PTPRC: variants seen among roughly 807,000 people sequenced by gnomAD.
The protein encoded by PTPRC is protein tyrosine phosphatase receptor type C.
Under a neutral mutation model 155.9 loss-of-function variants are expected in PTPRC, and 44 were observed. That is an observed-to-expected ratio of 0.28 (90% confidence interval 0.22 to 0.36). The LOEUF (loss-of-function observed/expected upper bound fraction) is 0.36, where lower values mean the gene tolerates loss of function less well. Among genes scored for constraint, PTPRC ranks in the 10% least tolerant of loss-of-function variants. The probability of loss-of-function intolerance (pLI) is 1.00; values close to 1 mark genes in which losing one functional copy is unlikely to be tolerated. For missense variants in PTPRC, 1,401 were observed against 1,564.6 expected (o/e 0.90, Z 1.76); for synonymous variants, 525 against 533.1 (o/e 0.98, Z 0.21).
intron 2 of PTPRC, among the ~76,000 whole-genome samples, chr1:198,668,519 T>A (rs1025282895): frequency 6.6e-6 from 1 of 152,184 alleles, no homozygotes; most frequent in Non-Finnish European, 1.5e-5. Context: ...AGTGCTTTAA[T>A]TTTGCCAAGC....
intron 22 of PTPRC, 82 bp downstream of exon 22, chr1:198,734,507 A>G: frequency 8.8e-7 from 1 of 1,138,004 alleles, no homozygotes. Context: ...AGCCACATGT[A>G]TCTGCCTGAT....
Position 198,699,602 on chromosome 1 carries a change from G to C in PTPRC, c.337G>C (p.Ala113Pro). The C allele has an allele frequency of 1.9e-6, 3 of 1,614,166 alleles. No homozygotes were observed. The highest frequency in any genetic ancestry group is 1.7e-6 in the Non-Finnish European group (2 of 1,180,034). The change falls in exon 5 of 33, where the codon GCA (alanine) becomes CCA (proline). Residue 113 changes from alanine (A) to proline (P), a missense_variant. Physicochemically the swap from Ala to Pro is conservative, Grantham distance 27. This residue lies in a region of PTPRC where 867 missense variants were observed against 970.4 expected (regional missense o/e 0.89). Transcript: ENST00000442510. ...ACAGACGCCTCACCTTCCCACGCACGCAGACTCGCAGACGCCCTCTGCTGG... is the reference window on the plus strand; with the variant it reads ...ACAGACGCCTCACCTTCCCACGCACCCAGACTCGCAGACGCCCTCTGCTGG... ...SVQTPHLPTH[A>P]DSQTPSAGTD...
intron 23 of PTPRC, among the ~76,000 whole-genome samples, chr1:198,738,980 T>C (rs565181617): frequency 1.3e-5 from 2 of 151,944 alleles, no homozygotes; most frequent in Admixed American, 6.6e-5. Flanking sequence ...TATTACACTT[T>C]GCTTGTTAGT....
rs886442175 is a variant in PTPRC, at chr1:198,747,434, T to C, written c.2848-675T>C. 5.9e-5 allele frequency among the ~76,000 whole-genome samples: 9 copies of C among 151,756 alleles called. No homozygotes were observed. The East Asian group carries it at 1.8e-3, about 30-fold the overall frequency. On this transcript the variant is annotated intron_variant, in intron 26 of 32. Coordinates refer to ENST00000442510, the MANE Select transcript of PTPRC (RefSeq NM_002838.5). Reference sequence around the variant, plus strand: ...TATTTTGAGGAGGTTTGTTGTCCTCTTATAGTGATGGAAAGCTGTTCATCT... The same window carrying C: ...TATTTTGAGGAGGTTTGTTGTCCTCCTATAGTGATGGAAAGCTGTTCATCT...
chr1:198,661,850 T>A (rs1470476981), intron 2 of PTPRC, among the ~76,000 whole-genome samples: 1 of 152,220 alleles, frequency 6.6e-6, no homozygotes, highest in Non-Finnish European at 1.5e-5. Context: ...AAAATAGACT[T>A]CTTTAAGTTT....
intron 2 of PTPRC, among the ~76,000 whole-genome samples, chr1:198,650,883 A>C (rs1355975493): frequency 6.6e-6 from 1 of 151,824 alleles, no homozygotes; most frequent in Non-Finnish European, 1.5e-5. Context: ...TTTGCTTTGA[A>C]TGTTGAAAAG....
Position 198,677,922 on chromosome 1 carries a change from C to CT in PTPRC, c.74-14415dup, listed in dbSNP as rs570134789. Among the ~76,000 whole-genome samples, 64 of 149,286 alleles carry CT rather than the reference C, an allele frequency of 4.3e-4. 1 individual carries two copies. In the East Asian group the frequency reaches 4.7e-3, roughly 11 times the overall value. Reference sequence around the variant, plus strand: ...ATTCCGAGGAGAATATAAAGTCCAGCTTTTTTTTTTCCACACAGGGATGTA... The same window carrying CT: ...ATTCCGAGGAGAATATAAAGTCCAGCTTTTTTTTTTTCCACACAGGGATGTA... On this transcript the variant is annotated intron_variant, in intron 2 of 32. Transcript: ENST00000442510.
intron 2 of PTPRC, among the ~76,000 whole-genome samples, chr1:198,685,374 G>T (rs1404775661): frequency 6.6e-6 from 1 of 151,134 alleles, no homozygotes; most frequent in East Asian, 1.9e-4. Context: ...ATGCTTAAAA[G>T]AAAAAAAATA....
intron 2 of PTPRC, among the ~76,000 whole-genome samples, chr1:198,678,632 GC>G (rs1359971067): frequency 6.6e-6 from 1 of 152,172 alleles, no homozygotes; most frequent in Non-Finnish European, 1.5e-5. Context: ...TTGGGGTTTA[GC>G]CTCCATGCCA....
intron 2 of PTPRC, among the ~76,000 whole-genome samples, chr1:198,655,455 C>T (rs187718883): frequency 2.0e-5 from 3 of 152,110 alleles, no homozygotes; most frequent in Non-Finnish European, 4.4e-5. Context: ...GTCTAGAATT[C>T]CTCCAGCATA....
intron 9 of PTPRC, 88 bp from the exon 10 acceptor site, chr1:198,708,045 G>A: frequency 7.9e-7 from 1 of 1,266,648 alleles, no homozygotes. Context: ...AATTTCAGTG[G>A]CTTTAACTGA....
At chr1:198,679,908 C>G in intron 2 of PTPRC, 1 of 608,002 alleles carries the variant, frequency 1.6e-6, no homozygotes, top group South Asian at 1.9e-5. Flanking sequence ...GTCTGTTAAC[C>G]TAGGTGGGCG....
Position 198,754,271 on chromosome 1 carries a change from A to C in PTPRC, c.3512A>C (p.Asp1171Ala), listed in dbSNP as rs199826421. 15 of 1,608,670 alleles carry C rather than the reference A, an allele frequency of 9.3e-6. No homozygotes were observed. The highest frequency in any genetic ancestry group is 5.0e-5 in the Admixed American group (3 of 59,850). Residue 1171 changes from aspartate to alanine, a missense_variant and splice_region_variant, in exon 32 of 33, where the codon GAT (aspartate) becomes GCT (alanine). Around this residue, in one of 3 missense-constraint regions of PTPRC, gnomAD observed 400 missense variants for 389.5 expected, o/e 1.03. Transcript: ENST00000442510. ...KSTPLLIHCR[D>A]GSQQTGIFCA... ...TCTATCTTTTCTTTCTTTTATAGGGATGGATCTCAGCAAACGGGAATATTT... is the reference window on the plus strand; with the variant it reads ...TCTATCTTTTCTTTCTTTTATAGGGCTGGATCTCAGCAAACGGGAATATTT...
At chr1:198,731,174 T>C (rs1443514267) in intron 17 of PTPRC, among the ~76,000 whole-genome samples, 1 of 152,102 alleles carries the variant, frequency 6.6e-6, no homozygotes, top group Non-Finnish European at 1.5e-5. Context: ...AGCTGAGTCA[T>C]GGGTATAAGG....
chr1:198,687,034 C>A (rs2102350568), intron 2 of PTPRC, among the ~76,000 whole-genome samples: 1 of 152,204 alleles, frequency 6.6e-6, no homozygotes, highest in East Asian at 1.9e-4. Flanking sequence ...GAGTCAGGGT[C>A]TCACCCTGTC....
rs577575729 is a variant in PTPRC at position 198,668,110 on chromosome 1, T to C, written c.74-24237T>C. Among the ~76,000 whole-genome samples, 12 of 152,296 alleles carry C rather than the reference T, an allele frequency of 7.9e-5. No homozygotes were observed. In the South Asian group the frequency reaches 1.2e-3, roughly 16 times the overall value. ...AGGGATGATCTTATAGAAATAAACA[T>C]TGGACAACCAGCAAAAACAGTGAAA... is the stretch of plus-strand genomic sequence containing the variant. On this transcript the variant is annotated intron_variant, in intron 2 of 32. Transcript: ENST00000442510.
At position 198,709,605 on chromosome 1, in the gene PTPRC, A is replaced by T. The variant is rs1245788271; in HGVS notation, c.1034-82A>T. ...CAATCTGATAAATATTAAATAGAGA[A>T]TTATAAATGTGAAATTAGAAAATAA... is the stretch of plus-strand genomic sequence containing the variant. On this transcript the variant is annotated intron_variant, in intron 10 of 32. Coordinates refer to ENST00000442510, the MANE Select transcript of PTPRC (RefSeq NM_002838.5). The T allele has an allele frequency of 5.0e-6, 6 of 1,210,430 alleles. No homozygotes were observed. The African/African-American group carries it at 9.4e-5, about 19-fold the overall frequency. 75.0% of individuals were successfully genotyped at this position (1,210,430 alleles called of 1,614,324 possible).
intron 2 of PTPRC, among the ~76,000 whole-genome samples, chr1:198,647,453 A>G (rs1315090226): frequency 1.3e-5 from 2 of 151,852 alleles, no homozygotes; most frequent in African/African-American, 2.4e-5. Flanking sequence ...CTGTCCTTTT[A>G]TTGTTATTTA....
At chr1:198,703,587 T>A (rs1666568359) in intron 7 of PTPRC, 1 of 715,252 alleles carries the variant, frequency 1.4e-6, no homozygotes. Flanking sequence ...TCATAATTCA[T>A]CAGAAAGCAT....
Sources: allele counts gnomAD v4.1 joint callset (sites outside exome capture counted in the v4.1 genomes callset), GRCh38; gene constraint gnomAD v4.1.1; regional missense constraint gnomAD v4.1.1; transcripts MANE v1.5; gene names NCBI Gene and HGNC (gene_info 2026-07-23, HGNC 2026-07-21).